Variants in ZNF449 observed in about 807,000 individuals in gnomAD.
The protein encoded by ZNF449 is zinc finger protein 449.
A neutral mutation model predicts 32.6 loss-of-function variants in ZNF449; 4 were observed. That is an observed-to-expected ratio of 0.12 (90% confidence interval 0.06 to 0.28). The LOEUF (loss-of-function observed/expected upper bound fraction) is 0.28. Ranked by LOEUF, ZNF449 falls within the 10% of genes least tolerant of loss-of-function variation. The pLI, the probability that ZNF449 is intolerant of heterozygous loss-of-function variation, is 1.00. For missense variants in ZNF449, 275 were observed against 383.2 expected, an observed-to-expected ratio of 0.72 and a Z score of 2.36; for synonymous variants, 123 against 132.2, an observed-to-expected ratio of 0.93 and a Z score of 0.48.
chrX:135,351,158 T>C (rs1556450237), intron 3 of ZNF449, among the ~76,000 whole-genome samples: 1 of 111,652 alleles, frequency 9.0e-6, no homozygotes, highest in Non-Finnish European at 1.9e-5. Context: ...ATTTGCATTT[T>C]AGGAGATTAT....
chrX:135,350,992 A>G (rs2084883430), intron 3 of ZNF449, among the ~76,000 whole-genome samples: 1 of 111,458 alleles, frequency 9.0e-6, no homozygotes, highest in African/African-American at 3.3e-5. Context: ...GGGACATAGA[A>G]GAGCAGTGGG....
At chrX:135,351,848 T>G (rs1371203619) in intron 3 of ZNF449, among the ~76,000 whole-genome samples, 2 of 111,426 alleles carry the variant, frequency 1.8e-5, no homozygotes, top group Non-Finnish European at 3.8e-5. Context: ...AATATTTATC[T>G]GGTGTTAATA....
At chrX:135,353,362 T>C (rs782197105) in intron 3 of ZNF449, among the ~76,000 whole-genome samples, 1 of 111,733 alleles carries the variant, frequency 8.9e-6, no homozygotes, top group South Asian at 3.7e-4. Flanking sequence ...TGGGAGCGTA[T>C]TTTGAATCAA....
chrX:135,361,190 C>A lies in ZNF449; in HGVS notation c.*114C>A. 1 of 657,418 alleles carries A rather than the reference C, an allele frequency of 1.5e-6. No homozygotes were observed. Among genetic ancestry groups the A allele is most frequent in the Non-Finnish European group, 2.2e-6 (1 of 455,793 alleles). 54.2% of individuals were successfully genotyped at this position (657,418 alleles called of 1,213,427 possible). On this transcript the variant is annotated 3_prime_UTR_variant, in exon 5 of 5. Transcript: ENST00000339249. ...TTGTTTGAGCTTATAAGAACATAGA[C>A]AGCTTTTTTTTTTACTAGTTTTAAA...
At chrX:135,358,062 G>A (rs2084926942) in intron 3 of ZNF449, among the ~76,000 whole-genome samples, 1 of 110,483 alleles carries the variant, frequency 9.1e-6, no homozygotes, top group Non-Finnish European at 1.9e-5. Context: ...CTCTTTTACT[G>A]CTTTCTTTTT....
intron 4 of ZNF449, 56 bp from the exon 5 acceptor site, chrX:135,360,137 A>G: frequency 1.8e-6 from 2 of 1,130,313 alleles, no homozygotes. Flanking sequence ...ATTTTCCTTC[A>G]CTTTCTTTTC....
intron 3 of ZNF449, among the ~76,000 whole-genome samples, chrX:135,352,517 C>T (rs1230236307): frequency 2.7e-5 from 3 of 111,783 alleles, no homozygotes; most frequent in South Asian, 7.4e-4. Flanking sequence ...GTTCAAAATT[C>T]GTACACCAAA....
At chrX:135,360,080 T>G in intron 4 of ZNF449, 75 bp downstream of exon 4, 1 of 1,086,207 alleles carries the variant, frequency 9.2e-7, no homozygotes, top group Non-Finnish European at 1.2e-6. Context: ...TTTGGAATTC[T>G]ATTTAGGAAT....
In ZNF449 at chrX:135,361,104, C is replaced by G; in HGVS notation, c.*28C>G. ...ATTGCTAAGGGAAACAGGTCTTACACAAATTGACACTAACTCAAAAAAAAT... is the reference window on the plus strand; with the variant it reads ...ATTGCTAAGGGAAACAGGTCTTACAGAAATTGACACTAACTCAAAAAAAAT... On this transcript the variant is annotated 3_prime_UTR_variant, in exon 5 of 5. Coordinates refer to ENST00000339249, the MANE Select transcript of ZNF449 (RefSeq NM_152695.6). 9.1e-7 allele frequency: 1 copy of G among 1,095,534 alleles called. No homozygotes were observed. Among genetic ancestry groups the G allele is most frequent in the Non-Finnish European group, 1.2e-6 (1 of 831,287 alleles). The allele number at this position is 1,095,534 out of a possible 1,213,427, so 90.3% of individuals were successfully genotyped here.
chrX:135,348,523 G>A (rs950382983), intron 2 of ZNF449: 2 of 150,927 alleles, frequency 1.3e-5, no homozygotes, highest in African/African-American at 6.4e-5. Flanking sequence ...CCGTGACTGA[G>A]AGAGGGCAGT....
chrX:135,350,080 C>T (rs2084876750), intron 3 of ZNF449, among the ~76,000 whole-genome samples: 1 of 108,319 alleles, frequency 9.2e-6, no homozygotes, highest in South Asian at 4.1e-4. Flanking sequence ...AATCTCGGCG[C>T]ACTGTAACCT....
In ZNF449 at chrX:135,359,993, G is replaced by A; in HGVS notation, c.661G>A (p.Asp221Asn). 1 of 1,169,773 alleles carries A rather than the reference G, an allele frequency of 8.5e-7. No individual in the cohort carries two copies. The highest frequency in any genetic ancestry group is 1.2e-6 in the Non-Finnish European group (1 of 864,013). Reference protein sequence around the residue: ...QDSKEMKQLLDSKIGFEIGIE... With the variant: ...QDSKEMKQLLNSKIGFEIGIE... ...TTCTAAAGAAATGAAACAATTACTT[G>A]ATTCCAAGATAGGTAAGTAATTGTT... Residue 221 changes from aspartate (D) to asparagine (N), a missense_variant, in exon 4 of 5, where the codon GAT (aspartate) becomes AAT (asparagine). Transcript: ENST00000339249.
rs782395473 is a variant in ZNF449, at chrX:135,347,071, T to A, written c.-48T>A. ...GATTTCAGAGAGAAACAAGTCGGAA[T>A]CTGAGAAGTGAGGCTCCAGATAAAC... On this transcript the variant is annotated 5_prime_UTR_variant, in exon 2 of 5. Transcript: ENST00000339249. 5 of 1,128,680 alleles carry A rather than the reference T, an allele frequency of 4.4e-6. No individual in the cohort carries two copies. Among genetic ancestry groups the A allele is most frequent in the Non-Finnish European group, 4.7e-6 (4 of 843,307 alleles). The allele number at this position is 1,128,680 out of a possible 1,213,427, so 93.0% of individuals were successfully genotyped here.
At chrX:135,356,643 A>C (rs1270784123) in intron 3 of ZNF449, among the ~76,000 whole-genome samples, 1 of 111,625 alleles carries the variant, frequency 9.0e-6, no homozygotes, top group Admixed American at 9.5e-5. Flanking sequence ...TCCCAAATTT[A>C]ACTACTAATA....
chrX:135,360,750 G>A lies in ZNF449; in HGVS notation c.1231G>A (p.Glu411Lys). ...TGAAGAAGAAACATATAAATGTCTTGAGTGTGGGAAAAGTTTTTGTCATGG... is the reference window on the plus strand; with the variant it reads ...TGAAGAAGAAACATATAAATGTCTTAAGTGTGGGAAAAGTTTTTGTCATGG... ...HSEEETYKCL[E>K]CGKSFCHGSS... is the part of the protein sequence containing the mutation. Residue 411 changes from glutamate (E) to lysine (K), a missense_variant, in exon 5 of 5, where the codon GAG (glutamate) becomes AAG (lysine). Physicochemically the swap from Glu to Lys is moderately conservative, Grantham distance 56 (BLOSUM62 1). Around this residue, in one of 3 missense-constraint regions of ZNF449, gnomAD observed 80 missense variants for 146.6 expected, o/e 0.55. Transcript: ENST00000339249. 8.3e-7 allele frequency: 1 copy of A among 1,211,453 alleles called. No homozygotes were observed. The highest frequency in any genetic ancestry group is 3.0e-5 in the East Asian group (1 of 33,838).
At chrX:135,359,864 T>G in intron 3 of ZNF449, 28 bp from the exon 4 acceptor site, 1 of 1,071,668 alleles carries the variant, frequency 9.3e-7, no homozygotes. Flanking sequence ...AGCCAAACTG[T>G]AATGCTTCCC....
At chrX:135,357,478 C>T (rs2084924241) in intron 3 of ZNF449, among the ~76,000 whole-genome samples, 1 of 111,197 alleles carries the variant, frequency 9.0e-6, no homozygotes, top group Non-Finnish European at 1.9e-5. Flanking sequence ...TTGCTAGATT[C>T]TCATTTCTAT....
chrX:135,345,366 G>A (rs1221926403), intron 1 of ZNF449, among the ~76,000 whole-genome samples: 1 of 111,858 alleles, frequency 8.9e-6, no homozygotes, highest in Non-Finnish European at 1.9e-5. Context: ...TTTTGGGTCA[G>A]TCAGGGAAGG....
Position 135,361,717 on chromosome X carries a change from C to A in ZNF449, c.*641C>A, listed in dbSNP as rs1331333087. 3.6e-5 allele frequency: 4 copies of A among 111,647 alleles called. No homozygotes were observed. The highest frequency in any genetic ancestry group is 9.8e-5 in the African/African-American group (3 of 30,760). The allele number at this position is 111,647 out of a possible 1,213,427, so 9.2% of individuals were successfully genotyped here. ...TTTTGATTGACTGAAGAACCAGGGT[C>A]TTTTGCTCTCCTTTGGTATTTCACT... On this transcript the variant is annotated 3_prime_UTR_variant, in exon 5 of 5. Coordinates refer to ENST00000339249, the MANE Select transcript of ZNF449 (RefSeq NM_152695.6).
Sources: gnomAD v4.1 joint callset for allele counts (sites outside exome capture counted in the v4.1 genomes callset) on GRCh38, gnomAD v4.1.1 for gene constraint, gnomAD v4.1.1 regional missense constraint, MANE v1.5 for transcripts, NCBI Gene and HGNC (gene_info 2026-07-23, HGNC 2026-07-21) for gene names.